The following APBA1 variants were observed in gnomAD, a reference collection of about 807,000 sequenced individuals.
APBA1 encodes amyloid beta precursor protein binding family A member 1.
In APBA1, 55 loss-of-function variants were observed where a neutral mutation model predicts 86.6. The ratio of observed to expected loss-of-function variants is 0.64; its 90% confidence interval spans 0.51 to 0.80. The LOEUF (loss-of-function observed/expected upper bound fraction) is 0.80, where lower values mean the gene tolerates loss of function less well. APBA1 is among the 30% of genes least tolerant of loss of function. The probability of loss-of-function intolerance (pLI) is 0.00; values close to 1 mark genes in which losing one functional copy is unlikely to be tolerated. For synonymous variants in APBA1, 511 were observed against 493.9 expected, an observed-to-expected ratio of 1.03 and a Z score of -0.46; for missense variants, 1,090 against 1,183.0, an observed-to-expected ratio of 0.92 and a Z score of 1.15.
At chr9:69,535,491 C>T (rs1434097052) in intron 1 of APBA1, among the ~76,000 whole-genome samples, 1 of 152,156 alleles carries the variant, frequency 6.6e-6, no homozygotes, top group Non-Finnish European at 1.5e-5. Flanking sequence ...AATCATTGTC[C>T]TGTGCACTTG....
chr9:69,516,207 C>T lies in APBA1; in HGVS notation c.1004G>A (p.Gly335Glu). 1 of 1,523,502 alleles carries T rather than the reference C, an allele frequency of 6.6e-7. No homozygotes were observed. Among genetic ancestry groups the T allele is most frequent in the Non-Finnish European group, 8.8e-7 (1 of 1,134,288 alleles). 94.4% of individuals were successfully genotyped at this position (1,523,502 alleles called of 1,614,324 possible). A position where few individuals can be genotyped will look rare whatever the true frequency, so the allele number is the denominator to read the frequency against. The change falls in exon 2 of 13, where the codon GGG becomes GAG. Residue 335 changes from glycine to glutamate, a missense_variant. Coordinates refer to ENST00000265381, the MANE Select transcript of APBA1 (RefSeq NM_001163.4). The surrounding 1 kb of genome is among the most constrained non-coding windows in gnomAD (Gnocchi z 7.3). ...GCGCTTCTCCTTGCTGTACCGCTGC[C>T]CCGCCTCGCCGCCGCCCGCGGGGCC... is the stretch of plus-strand genomic sequence containing the variant. ...AVGPAGGGEA[G>E]QRYSKEKRDA... is the part of the protein sequence containing the mutation.
Position 69,471,706 on chromosome 9 carries a change from G to T in APBA1, c.1297-11C>A. 6.2e-7 allele frequency: 1 copy of T among 1,611,112 alleles called. No individual in the cohort carries two copies. The highest frequency in any genetic ancestry group is 1.1e-5 in the South Asian group (1 of 90,884). ...CAAGCTTTTTCTTGACTGTAATAAA[G>T]ACAAAGAGGTTTCAAAAAGAGCAAA... On this transcript the variant is annotated splice_polypyrimidine_tract_variant and intron_variant, in intron 3 of 12. Transcript: ENST00000265381.
chr9:69,457,178 A>G (rs1835113825), intron 6 of APBA1, 39 bp from the exon 7 acceptor site: 1 of 1,512,102 alleles, frequency 6.6e-7, no homozygotes, highest in Non-Finnish European at 9.2e-7. Context: ...GTTTGACCAC[A>G]CTACCCTGAC....
chr9:69,605,758 G>T (rs114043788), intron 1 of APBA1, among the ~76,000 whole-genome samples: 29 of 152,290 alleles, frequency 1.9e-4, no homozygotes, highest in African/African-American at 6.7e-4. Flanking sequence ...TCCAGAACAC[G>T]CTTACATTAA....
intron 11 of APBA1, among the ~76,000 whole-genome samples, chr9:69,439,853 G>A (rs948447307): frequency 6.6e-6 from 1 of 152,150 alleles, no homozygotes; most frequent in African/African-American, 2.4e-5. Context: ...CAGGAGGAGA[G>A]GTGCTCTGGT....
At chr9:69,617,149 C>T (rs959237562) in intron 1 of APBA1, among the ~76,000 whole-genome samples, 3 of 152,200 alleles carry the variant, frequency 2.0e-5, no homozygotes, top group Non-Finnish European at 4.4e-5. Flanking sequence ...GGATAATCAT[C>T]TCAAAACAAC....
chr9:69,568,089 T>C (rs1175534737), intron 1 of APBA1, among the ~76,000 whole-genome samples: 3 of 152,206 alleles, frequency 2.0e-5, no homozygotes, highest in African/African-American at 7.2e-5. Context: ...CTACACTTCC[T>C]TGCAGTATGG....
At chr9:69,644,057 C>A (rs1051954075) in intron 1 of APBA1, among the ~76,000 whole-genome samples, 1 of 152,214 alleles carries the variant, frequency 6.6e-6, no homozygotes, top group Non-Finnish European at 1.5e-5. Context: ...ACCACTACAA[C>A]CCGATGTCAC....
chr9:69,449,707 G>A lies in APBA1; in HGVS notation c.2058C>T (p.Ala686=). The A allele has an allele frequency of 3.7e-6, 6 of 1,614,076 alleles. No individual in the cohort carries two copies. Among genetic ancestry groups the A allele is most frequent in the Non-Finnish European group, 5.1e-6 (6 of 1,180,018 alleles). ...CCGCAGGGCCACCATGCATCATGTT[G>A]GCAATGATCACGGTGGGGAGGATGG... ...WGSILPTVII[A]NMMHGGPAEK... Residue 686 remains alanine (A), a synonymous_variant, in exon 10 of 13, where the codon GCC becomes GCT. Transcript: ENST00000265381.
chr9:69,501,698 T>C (rs1835882943), intron 2 of APBA1, among the ~76,000 whole-genome samples: 1 of 151,492 alleles, frequency 6.6e-6, no homozygotes, highest in Admixed American at 6.6e-5. Context: ...CATGATGGTA[T>C]GCACCTGTAG....
rs535189113 is a variant in APBA1 at position 69,456,350 on chromosome 9, C to G, written c.1685G>C (p.Arg562Pro). The G allele has an allele frequency of 6.2e-7, 1 of 1,614,090 alleles. No individual in the cohort carries two copies. The highest frequency in any genetic ancestry group is 1.1e-5 in the South Asian group (1 of 91,064). ...GNIVVLMARR[R>P]MPRSNSQENV... ...CTCCTGGGAGTTGGAGCGAGGCATCCGCCGGCGGGCCATCAGCACAACGAT... is the reference window on the plus strand; with the variant it reads ...CTCCTGGGAGTTGGAGCGAGGCATCGGCCGGCGGGCCATCAGCACAACGAT... Residue 562 changes from arginine to proline, a missense_variant, in exon 8 of 13, where the codon CGG (arginine) becomes CCG (proline). Coordinates refer to ENST00000265381, the MANE Select transcript of APBA1 (RefSeq NM_001163.4).
chr9:69,530,994 C>T (rs1488764536), intron 1 of APBA1, among the ~76,000 whole-genome samples: 2 of 152,016 alleles, frequency 1.3e-5, no homozygotes, highest in African/African-American at 4.8e-5. Flanking sequence ...TTCTAGTATG[C>T]ACATTAAAAT....
chr9:69,510,246 T>C (rs1049286358), intron 2 of APBA1, among the ~76,000 whole-genome samples: 274 of 151,446 alleles, frequency 1.8e-3, no homozygotes, highest in African/African-American at 6.1e-3. Context: ...AATCAATGTA[T>C]AAAAATCACA....
chr9:69,669,050 G>T (rs1823894762), intron 1 of APBA1, among the ~76,000 whole-genome samples: 1 of 152,040 alleles, frequency 6.6e-6, no homozygotes, highest in Non-Finnish European at 1.5e-5. Context: ...CTCTGGCCAG[G>T]ATCTAAGACT....
intron 2 of APBA1, among the ~76,000 whole-genome samples, chr9:69,482,803 G>A (rs1014568644): frequency 2.0e-5 from 3 of 151,768 alleles, no homozygotes; most frequent in Non-Finnish European, 4.4e-5. Flanking sequence ...CATAAAAAAT[G>A]ATGAGTTCAT....
intron 1 of APBA1, among the ~76,000 whole-genome samples, chr9:69,555,321 C>T (rs1269227030): frequency 6.6e-6 from 1 of 152,196 alleles, no homozygotes; most frequent in African/African-American, 2.4e-5. Flanking sequence ...AGATACCACA[C>T]ACCCTTCACC....
chr9:69,499,645 A>G (rs1835851121), intron 2 of APBA1, among the ~76,000 whole-genome samples: 1 of 147,384 alleles, frequency 6.8e-6, no homozygotes, highest in Non-Finnish European at 1.5e-5. Flanking sequence ...GACCTTGGTC[A>G]GTAGTTTCCT....
chr9:69,631,332 A>G (rs1179568773), intron 1 of APBA1, among the ~76,000 whole-genome samples: 2 of 152,234 alleles, frequency 1.3e-5, no homozygotes, highest in East Asian at 3.8e-4. Flanking sequence ...CCATCAGAGA[A>G]ATGCAAATCA....
intron 2 of APBA1, 142 bp from the exon 3 acceptor site, chr9:69,476,285 A>G: frequency 1.7e-6 from 1 of 596,332 alleles, no homozygotes; most frequent in Non-Finnish European, 3.0e-6. Flanking sequence ...CTTAAAAAGG[A>G]GCTGCCAACT....
Sources: allele counts gnomAD v4.1 joint callset (sites outside exome capture counted in the v4.1 genomes callset), GRCh38; gene constraint gnomAD v4.1.1; non-coding constraint Gnocchi (gnomAD v3.1); transcripts MANE v1.5; gene names NCBI Gene and HGNC (gene_info 2026-07-23, HGNC 2026-07-21).